Variants in ZRANB3 observed in about 807,000 individuals in gnomAD.
ZRANB3 encodes the protein zinc finger RANBP2-type containing 3, also known as DNA annealing helicase and endonuclease ZRANB3.
In ZRANB3, 125 loss-of-function variants were observed where a neutral mutation model predicts 133.8. The observed-to-expected ratio is 0.93, with a 90% CI of 0.81 to 1.08. The LOEUF (loss-of-function observed/expected upper bound fraction) is 1.08. Among genes scored for constraint, ZRANB3 ranks in the 50% least tolerant of loss-of-function variants. The probability of loss-of-function intolerance (pLI) is 0.00; values close to 1 mark genes in which losing one functional copy is unlikely to be tolerated. For missense variants in ZRANB3, 1,229 were observed against 1,275.5 expected, an observed-to-expected ratio of 0.96 and a Z score of 0.56; for synonymous variants, 387 against 432.7, an observed-to-expected ratio of 0.89 and a Z score of 1.31.
At chr2:135,477,902 C>A (rs1250863375) in intron 2 of ZRANB3, among the ~76,000 whole-genome samples, 1 of 151,978 alleles carries the variant, frequency 6.6e-6, no homozygotes, top group African/African-American at 2.4e-5. Flanking sequence ...GGAAGGAGGA[C>A]TGTTTGAGCC....
chr2:135,496,177 G>GT (rs1437374776), intron 2 of ZRANB3, among the ~76,000 whole-genome samples: 18 of 152,086 alleles, frequency 1.2e-4, no homozygotes, highest in Non-Finnish European at 1.8e-4. Context: ...GAGATCAGGA[G>GT]TTTGAGACCA....
intron 7 of ZRANB3, among the ~76,000 whole-genome samples, chr2:135,314,515 G>A (rs1464719517): frequency 6.6e-6 from 1 of 152,090 alleles, no homozygotes; most frequent in Non-Finnish European, 1.5e-5. Flanking sequence ...GAATATATAA[G>A]CACTGCAGTC....
chr2:135,323,793 G>A (rs928514589), intron 6 of ZRANB3, among the ~76,000 whole-genome samples: 1 of 151,572 alleles, frequency 6.6e-6, no homozygotes, highest in African/African-American at 2.4e-5. Flanking sequence ...CTCCATCTCA[G>A]GAGAGCACTC....
chr2:135,465,598 AT>A (rs1197640123), intron 2 of ZRANB3, among the ~76,000 whole-genome samples: 1 of 152,234 alleles, frequency 6.6e-6, no homozygotes, highest in Non-Finnish European at 1.5e-5. Flanking sequence ...TTCAAAAAAA[AT>A]ATGAAATGTC....
intron 3 of ZRANB3, among the ~76,000 whole-genome samples, chr2:135,354,205 T>C (rs1021194506): frequency 6.6e-6 from 1 of 152,236 alleles, no homozygotes; most frequent in Admixed American, 6.5e-5. Flanking sequence ...TTTTATAAAA[T>C]GTATGTAACC....
At chr2:135,461,429 G>C (rs1690758514) in intron 2 of ZRANB3, among the ~76,000 whole-genome samples, 1 of 152,082 alleles carries the variant, frequency 6.6e-6, no homozygotes, top group Admixed American at 6.6e-5. Context: ...AAATTAGCCG[G>C]TCTTGGCGAT....
intron 12 of ZRANB3, among the ~76,000 whole-genome samples, chr2:135,233,459 C>T (rs1695127630): frequency 6.6e-6 from 1 of 152,166 alleles, no homozygotes; most frequent in African/African-American, 2.4e-5. Flanking sequence ...AAAGATACTC[C>T]TCGAGAAGAG....
chr2:135,366,162 A>T (rs534066721), intron 3 of ZRANB3, among the ~76,000 whole-genome samples: 1 of 152,222 alleles, frequency 6.6e-6, no homozygotes, highest in Non-Finnish European at 1.5e-5. Flanking sequence ...ATTAGAAAGA[A>T]TTCCAAATCT....
chr2:135,224,278 T>G (rs1694670318), intron 15 of ZRANB3, 148 bp downstream of exon 15: 1 of 632,698 alleles, frequency 1.6e-6, no homozygotes, highest in Non-Finnish European at 2.7e-6. Flanking sequence ...TCATTGTCTG[T>G]AGATTTAACA....
At chr2:135,445,768 C>T (rs963062814) in intron 2 of ZRANB3, among the ~76,000 whole-genome samples, 3 of 144,076 alleles carry the variant, frequency 2.1e-5, no homozygotes, top group East Asian at 2.1e-4. Context: ...CCCAGCTACA[C>T]GGGAAGCTGA....
intron 2 of ZRANB3, among the ~76,000 whole-genome samples, chr2:135,396,429 T>A (rs1687487680): frequency 6.6e-6 from 1 of 152,120 alleles, no homozygotes; most frequent in Admixed American, 6.6e-5. Flanking sequence ...CATCAACAGA[T>A]GAAGAGATAA....
intron 2 of ZRANB3, among the ~76,000 whole-genome samples, chr2:135,480,436 A>G (rs922983363): frequency 6.6e-6 from 1 of 152,192 alleles, no homozygotes; most frequent in Non-Finnish European, 1.5e-5. Flanking sequence ...CAACAAAAAC[A>G]GCACACCTAA....
At chr2:135,245,947 A>AAAAAG (rs1553461041) in intron 12 of ZRANB3, among the ~76,000 whole-genome samples, 2 of 145,382 alleles carry the variant, frequency 1.4e-5, no homozygotes, top group East Asian at 2.1e-4. Context: ...AAAAAAAAAA[A>AAAAAG]AGAGACAGGG....
chr2:135,372,389 G>A (rs1686223107), intron 3 of ZRANB3, among the ~76,000 whole-genome samples: 1 of 152,082 alleles, frequency 6.6e-6, no homozygotes. Context: ...AGTCAGATGG[G>A]ATCAAGACAA....
intron 2 of ZRANB3, among the ~76,000 whole-genome samples, chr2:135,480,349 A>T (rs1691721235): frequency 1.3e-5 from 2 of 152,174 alleles, no homozygotes; most frequent in Non-Finnish European, 2.9e-5. Flanking sequence ...TAAAACCACC[A>T]GGTATTTTTT....
chr2:135,389,041 G>A (rs1687107399), intron 3 of ZRANB3, among the ~76,000 whole-genome samples: 1 of 152,166 alleles, frequency 6.6e-6, no homozygotes, highest in Non-Finnish European at 1.5e-5. Context: ...TCGTGCCACT[G>A]CACTCCAGTC....
chr2:135,282,262 T>G (rs1453697443), intron 8 of ZRANB3, among the ~76,000 whole-genome samples: 1 of 152,210 alleles, frequency 6.6e-6, no homozygotes, highest in Non-Finnish European at 1.5e-5. Context: ...ATTGTTTATT[T>G]ACTCCCCACC....
Position 135,330,492 on chromosome 2 carries a change from A to G in ZRANB3, c.678-14962T>C, listed in dbSNP as rs184867714. 4.2e-4 allele frequency among the ~76,000 whole-genome samples: 64 copies of G among 152,300 alleles called. No individual in the cohort carries two copies. In the East Asian group the frequency reaches 8.7e-3, roughly 21 times the overall value. ...AAGGATTTTCGCATCGATGTTCATC[A>G]GGGATATTCATCTAAAATTCTGTTT... is the stretch of plus-strand genomic sequence containing the variant. On this transcript the variant is annotated intron_variant, in intron 6 of 20. Transcript: ENST00000264159.
intron 2 of ZRANB3, among the ~76,000 whole-genome samples, chr2:135,429,260 T>C (rs2104979508): frequency 6.6e-6 from 1 of 152,304 alleles, no homozygotes; most frequent in East Asian, 1.9e-4. Flanking sequence ...TAGAGACCGT[T>C]ATCCTAAGCA....
Sources: allele counts gnomAD v4.1 joint callset (sites outside exome capture counted in the v4.1 genomes callset), GRCh38; gene constraint gnomAD v4.1.1; transcripts MANE v1.5; gene names NCBI Gene and HGNC (gene_info 2026-07-23, HGNC 2026-07-21).